Variants in FAM78B observed in about 807,000 individuals in gnomAD.
FAM78B encodes the protein protein FAM78B.
FAM78B carries 10 observed loss-of-function variants against 20.0 expected under a neutral mutation model. The ratio of observed to expected loss-of-function variants is 0.50; its 90% CI spans 0.31 to 0.85. The LOEUF is 0.85. FAM78B is among the 40% of genes least tolerant of loss of function. The pLI is 0.05. For missense variants in FAM78B, 283 were observed against 345.0 expected (o/e 0.82, Z 1.42); for synonymous variants, 135 against 132.8 (o/e 1.02, Z -0.12).
chr1:166,100,998 C>T (rs529131110), intron 1 of FAM78B, among the ~76,000 whole-genome samples: 283 of 152,160 alleles, frequency 1.9e-3, no homozygotes, highest in Middle Eastern at 3.4e-3. Context: ...ACAAAACTTC[C>T]AGAGGAATGA....
At chr1:166,129,205 G>A (rs750468222) in intron 1 of FAM78B, among the ~76,000 whole-genome samples, 12 of 152,178 alleles carry the variant, frequency 7.9e-5, no homozygotes, top group Non-Finnish European at 1.3e-4. Flanking sequence ...TAGATTTAGA[G>A]CATCCCAGTG....
rs1571221484 is a variant in FAM78B at position 166,166,603 on chromosome 1, C to A, written c.-355G>T. 1 of 150,926 alleles carries A rather than the reference C, an allele frequency of 6.6e-6. No individual in the cohort carries two copies. Among genetic ancestry groups the A allele is most frequent in the South Asian group, 2.0e-4 (1 of 5,018 alleles). 9.3% of individuals were successfully genotyped at this position (150,926 alleles called of 1,614,324 possible). A position where few individuals can be genotyped will look rare whatever the true frequency, so the allele number is the denominator to read the frequency against. ...TGGTGCCCACCCCGGGCCGGAGCCC[C>A]CCGCCCCTCGCCGGAGAGGAGGAGG... is the stretch of plus-strand genomic sequence containing the variant. On this transcript the variant is annotated 5_prime_UTR_variant, in exon 1 of 2. Coordinates refer to ENST00000354422, the MANE Select transcript of FAM78B (RefSeq NM_001017961.5).
intron 1 of FAM78B, among the ~76,000 whole-genome samples, chr1:166,152,571 C>G (rs1315660346): frequency 6.6e-6 from 1 of 152,156 alleles, no homozygotes; most frequent in Non-Finnish European, 1.5e-5. Context: ...GCCCCGGACA[C>G]TTGTTGAATC....
At chr1:166,146,130 T>C (rs1655443309) in intron 1 of FAM78B, among the ~76,000 whole-genome samples, 1 of 152,174 alleles carries the variant, frequency 6.6e-6, no homozygotes. Context: ...TTAACATTGT[T>C]TGAAAGGTCC....
At chr1:166,093,060 A>T (rs4561022) in intron 1 of FAM78B, among the ~76,000 whole-genome samples, 150,843 of 152,320 alleles carry the variant, frequency 0.99, 74,696 homozygotes, top group Middle Eastern at 1. Context: ...AAAAAAATAA[A>T]AAAATATACT....
intron 1 of FAM78B, among the ~76,000 whole-genome samples, chr1:166,109,252 C>T (rs1047875073): frequency 6.6e-6 from 1 of 152,108 alleles, no homozygotes; most frequent in African/African-American, 2.4e-5. Context: ...TCTTTACCAC[C>T]TATACATCTG....
downstream of FAM78B, among the ~76,000 whole-genome samples, chr1:166,067,085 T>C (rs1200572410): frequency 6.6e-6 from 1 of 152,174 alleles, no homozygotes; most frequent in Non-Finnish European, 1.5e-5. Context: ...GATCCAATTG[T>C]CTCTAGTTTT....
At chr1:166,061,662 T>C (rs1245099006) in intron 2 of FAM78B, among the ~76,000 whole-genome samples, 1 of 152,198 alleles carries the variant, frequency 6.6e-6, no homozygotes, top group Non-Finnish European at 1.5e-5. Context: ...CTAGAAAGTG[T>C]TCCTCTGCAT....
chr1:166,138,063 A>G (rs1322488922), intron 1 of FAM78B, among the ~76,000 whole-genome samples: 1 of 152,220 alleles, frequency 6.6e-6, no homozygotes, highest in Non-Finnish European at 1.5e-5. Flanking sequence ...GCATCCCACT[A>G]GTCAATGAGT....
chr1:166,136,947 C>T (rs1180873200), intron 1 of FAM78B, among the ~76,000 whole-genome samples: 4 of 152,202 alleles, frequency 2.6e-5, no homozygotes, highest in African/African-American at 9.7e-5. Context: ...TGGCTCATAA[C>T]TATCATGTGA....
chr1:166,110,226 T>C (rs1023800800), intron 1 of FAM78B, among the ~76,000 whole-genome samples: 9 of 151,576 alleles, frequency 5.9e-5, no homozygotes, highest in African/African-American at 1.9e-4. Context: ...AACTTACTCA[T>C]GTAACCCAAT....
At chr1:166,088,856 C>T (rs1652947372) in intron 1 of FAM78B, among the ~76,000 whole-genome samples, 1 of 152,056 alleles carries the variant, frequency 6.6e-6, no homozygotes, top group Non-Finnish European at 1.5e-5. Context: ...GAGAGGCTTC[C>T]CAGTACTGGT....
At chr1:166,095,244 C>T (rs1653231731) in intron 1 of FAM78B, among the ~76,000 whole-genome samples, 1 of 152,088 alleles carries the variant, frequency 6.6e-6, no homozygotes, top group Admixed American at 6.5e-5. Flanking sequence ...AGTGGGCTCC[C>T]TTCCCTTGAG....
intron 1 of FAM78B, among the ~76,000 whole-genome samples, chr1:166,089,629 G>C (rs1279392712): frequency 6.6e-6 from 1 of 152,150 alleles, no homozygotes; most frequent in Non-Finnish European, 1.5e-5. Flanking sequence ...AGGGGAAGAT[G>C]CAGCCTTGTG....
chr1:166,142,820 G>T (rs1046706817), intron 1 of FAM78B, among the ~76,000 whole-genome samples: 5 of 152,204 alleles, frequency 3.3e-5, no homozygotes, highest in African/African-American at 1.2e-4. Context: ...GGCCTAGAAG[G>T]ATGAATGGGT....
At chr1:166,060,271 G>A (rs1651533129) in exon 3 of FAM78B, 1 of 246,254 alleles carries the variant, frequency 4.1e-6, no homozygotes, top group Non-Finnish European at 8.1e-6. Flanking sequence ...GGCCACATTA[G>A]GTATTTAAAG....
At chr1:166,085,787 G>T (rs1479909359) in intron 1 of FAM78B, among the ~76,000 whole-genome samples, 4 of 152,162 alleles carry the variant, frequency 2.6e-5, no homozygotes, top group African/African-American at 9.7e-5. Context: ...CTGGGCTGGG[G>T]GCTCCTTGGC....
intron 1 of FAM78B, among the ~76,000 whole-genome samples, chr1:166,134,885 C>G (rs1655014336): frequency 6.6e-6 from 1 of 152,338 alleles, no homozygotes; most frequent in East Asian, 1.9e-4. Context: ...ATGATTTTCA[C>G]ACATTTACTA....
intron 1 of FAM78B, among the ~76,000 whole-genome samples, chr1:166,121,075 C>A (rs990228368): frequency 6.6e-6 from 1 of 152,152 alleles, no homozygotes; most frequent in South Asian, 2.1e-4. Context: ...TGTAGAGCCT[C>A]GGGCAATTTT....
Sources: gnomAD v4.1 joint callset for allele counts (sites outside exome capture counted in the v4.1 genomes callset) on GRCh38, gnomAD v4.1.1 for gene constraint, MANE v1.5 for transcripts, NCBI Gene and HGNC (gene_info 2026-07-23, HGNC 2026-07-21) for gene names.